Variants in ATP2B1 observed in about 807,000 individuals in gnomAD.
ATP2B1 encodes the protein plasma membrane calcium-transporting ATPase 1.
Under a neutral mutation model 124.2 loss-of-function variants are expected in ATP2B1, and 14 were observed. That is an observed-to-expected ratio of 0.11 (90% CI 0.07 to 0.18). The LOEUF is 0.18. ATP2B1 is among the 10% of genes least tolerant of loss of function. The pLI, the probability that ATP2B1 is intolerant of heterozygous loss-of-function variation, is 1.00. For synonymous variants in ATP2B1, 449 were observed against 492.4 expected, an observed-to-expected ratio of 0.91 and a Z score of 1.17; for missense variants, 763 against 1,466.1, an observed-to-expected ratio of 0.52 and a Z score of 7.83.
chr12:89,597,514 A>G (rs1387668212), intron 20 of ATP2B1, among the ~76,000 whole-genome samples: 1 of 152,140 alleles, frequency 6.6e-6, no homozygotes, highest in African/African-American at 2.4e-5. Context: ...ATGAAAATAT[A>G]CTTAAGTAAA....
chr12:89,621,465 G>T, intron 10 of ATP2B1, 84 bp downstream of exon 10: 1 of 1,114,250 alleles, frequency 9.0e-7, no homozygotes, highest in Non-Finnish European at 1.2e-6. Flanking sequence ...TTTACATACA[G>T]TAATGGTGGT....
rs1200336674 is a variant in ATP2B1 at position 89,627,686 on chromosome 12, C to T, written c.959G>A (p.Arg320His). The change falls in exon 7 of 21, where the codon CGC becomes CAC. Residue 320 changes from arginine (R) to histidine (H), a missense_variant. By Grantham distance (29) the Arg-to-His change is conservative. Coordinates refer to ENST00000428670, the MANE Select transcript of ATP2B1 (RefSeq NM_001366521.1). ...NKKQDGAIENRNKAKAQDGAA... is the reference protein window; with the variant it reads ...NKKQDGAIENHNKAKAQDGAA... ...TGTCCTCCTAAATTTACCTTTGTTG[C>T]GATTCTCAATAGCTCCATCTTGTTT... The T allele has an allele frequency of 4.3e-6, 7 of 1,613,480 alleles. No homozygotes were observed. The highest frequency in any genetic ancestry group is 5.9e-6 in the Non-Finnish European group (7 of 1,179,820).
At chr12:89,705,396 C>T (rs1892333233) in intron 1 of ATP2B1, among the ~76,000 whole-genome samples, 1 of 152,096 alleles carries the variant, frequency 6.6e-6, no homozygotes, top group South Asian at 2.1e-4. Flanking sequence ...TTCTGATCCT[C>T]AGTCCTTTTA....
intron 15 of ATP2B1, among the ~76,000 whole-genome samples, chr12:89,606,636 C>T (rs377042316): frequency 9.3e-5 from 13 of 140,404 alleles, no homozygotes; most frequent in African/African-American, 2.4e-4. Flanking sequence ...TGCAGTGGTG[C>T]GATCTCAGCT....
intron 15 of ATP2B1, 136 bp from the exon 16 acceptor site, chr12:89,604,482 G>A (rs1245153364): frequency 4.8e-6 from 3 of 627,618 alleles, no homozygotes; most frequent in South Asian, 5.1e-5. Flanking sequence ...CTAAAAGAAG[G>A]TAACAGAGTT....
chr12:89,613,319 A>G (rs1488460418), intron 12 of ATP2B1, among the ~76,000 whole-genome samples: 1 of 152,152 alleles, frequency 6.6e-6, no homozygotes, highest in African/African-American at 2.4e-5. Context: ...CAATGTAATT[A>G]ATTGCAATTT....
intron 1 of ATP2B1, among the ~76,000 whole-genome samples, chr12:89,694,152 A>G (rs565391857): frequency 6.6e-6 from 1 of 152,324 alleles, no homozygotes; most frequent in African/African-American, 2.4e-5. Flanking sequence ...TGAGTAGCCA[A>G]AAGAAACACT....
chr12:89,671,094 TG>T (rs1225291796), intron 1 of ATP2B1, among the ~76,000 whole-genome samples: 1 of 152,132 alleles, frequency 6.6e-6, no homozygotes, highest in Non-Finnish European at 1.5e-5. Context: ...GCCATTTTTG[TG>T]GATGAAAACC....
intron 1 of ATP2B1, among the ~76,000 whole-genome samples, chr12:89,685,707 T>C (rs139662295): frequency 1.7e-3 from 261 of 152,260 alleles, no homozygotes; most frequent in African/African-American, 6.2e-3. Context: ...TTCTCTATTA[T>C]GGACTGGATT....
intron 1 of ATP2B1, among the ~76,000 whole-genome samples, chr12:89,674,665 A>G (rs1053165145): frequency 6.6e-6 from 1 of 152,184 alleles, no homozygotes; most frequent in African/African-American, 2.4e-5. Context: ...GGTATTAATC[A>G]GCTTTCCATT....
At chr12:89,706,378 TAA>T (rs200346218) in intron 1 of ATP2B1, among the ~76,000 whole-genome samples, 51 of 136,506 alleles carry the variant, frequency 3.7e-4, no homozygotes, top group Admixed American at 5.2e-4. Context: ...GGCCTACAGC[TAA>T]AAAAAAAAAA....
chr12:89,618,562 A>C (rs563256774), intron 11 of ATP2B1, among the ~76,000 whole-genome samples: 1 of 152,206 alleles, frequency 6.6e-6, no homozygotes, highest in African/African-American at 2.4e-5. Context: ...CAGGTAACTG[A>C]GTGTACTGTG....
intron 1 of ATP2B1, among the ~76,000 whole-genome samples, chr12:89,662,954 T>C (rs1056632956): frequency 1.3e-5 from 2 of 152,212 alleles, no homozygotes; most frequent in African/African-American, 2.4e-5. Context: ...TCTTCTATTA[T>C]AGCCTTTATC....
intron 1 of ATP2B1, among the ~76,000 whole-genome samples, chr12:89,670,973 G>A (rs374887528): frequency 8.0e-4 from 121 of 150,626 alleles, no homozygotes; most frequent in African/African-American, 2.9e-3. Flanking sequence ...AAAAGGGGTG[G>A]GGGGGCTCAG....
intron 18 of ATP2B1, 82 bp downstream of exon 18, chr12:89,602,961 C>A: frequency 1.6e-6 from 2 of 1,231,764 alleles, no homozygotes; most frequent in South Asian, 2.7e-5. Flanking sequence ...ATGTTCCACA[C>A]AAGTGATTGC....
rs897583142 is a variant in ATP2B1 at position 89,592,227 on chromosome 12, AAAAG to A, written c.3352-936_3352-933del. The stretch of plus-strand genomic sequence containing the variant: ...TCAAGCGTCATTCAGATTTAGAAAA[AAAAG>A]GACAAAATCCAACTAGTTGAGCATT... On this transcript the variant is annotated intron_variant, in intron 20 of 20. Coordinates refer to ENST00000428670, the MANE Select transcript of ATP2B1 (RefSeq NM_001366521.1). Among the ~76,000 whole-genome samples, 23 of 152,178 alleles carry A rather than the reference AAAAG, an allele frequency of 1.5e-4. No individual in the cohort carries two copies. The East Asian group carries it at 3.7e-3, about 24-fold the overall frequency.
chr12:89,692,399 G>A (rs967253392), intron 1 of ATP2B1, among the ~76,000 whole-genome samples: 2 of 152,120 alleles, frequency 1.3e-5, no homozygotes, highest in African/African-American at 4.8e-5. Context: ...ACGACTGTGT[G>A]GAATCTTCAC....
At chr12:89,678,746 G>A (rs1888986460) in intron 1 of ATP2B1, among the ~76,000 whole-genome samples, 1 of 151,448 alleles carries the variant, frequency 6.6e-6, no homozygotes, top group African/African-American at 2.4e-5. Flanking sequence ...AGTCAAAATC[G>A]TTTTGACATA....
At chr12:89,622,133 T>C (rs1357437638) in intron 9 of ATP2B1, among the ~76,000 whole-genome samples, 1 of 152,028 alleles carries the variant, frequency 6.6e-6, no homozygotes, top group Non-Finnish European at 1.5e-5. Flanking sequence ...GCAAGAGCAA[T>C]GACAATCTGT....
Sources: allele counts gnomAD v4.1 joint callset (sites outside exome capture counted in the v4.1 genomes callset), GRCh38; gene constraint gnomAD v4.1.1; transcripts MANE v1.5; gene names NCBI Gene and HGNC (gene_info 2026-07-23, HGNC 2026-07-21).